Variants in CRACR2A observed in about 807,000 individuals in gnomAD.
CRACR2A encodes the protein EF-hand calcium-binding domain-containing protein 4B.
Under a neutral mutation model 90.5 loss-of-function variants are expected in CRACR2A, and 79 were observed. The ratio of observed to expected loss-of-function variants is 0.87; its 90% CI spans 0.73 to 1.05. The LOEUF (loss-of-function observed/expected upper bound fraction) is 1.05, where lower values mean the gene tolerates loss of function less well. CRACR2A is among the 50% of genes least tolerant of loss of function. CRACR2A has a pLI of 0.00. For synonymous variants in CRACR2A, 338 were observed against 356.7 expected (o/e 0.95, Z 0.59); for missense variants, 823 against 897.2 (o/e 0.92, Z 1.06).
chr12:3,678,956 C>A lies in CRACR2A; in HGVS notation c.483G>T (p.Arg161=). 6.2e-7 allele frequency: 1 copy of A among 1,613,294 alleles called. No homozygotes were observed. Among genetic ancestry groups the A allele is most frequent in the Non-Finnish European group, 8.5e-7 (1 of 1,179,722 alleles). ...DMGEDEEAQF[R]MLMDRLGAQK... ...GGGCTCCAAGTCTGTCCATCAGCATCCGGAACTGGGCTTCCTCATCTTCGC... is the reference window on the plus strand; with the variant it reads ...GGGCTCCAAGTCTGTCCATCAGCATACGGAACTGGGCTTCCTCATCTTCGC... The change falls in exon 6 of 20, where the codon CGG becomes CGT. Residue 161 remains arginine, a synonymous_variant. Transcript: ENST00000440314.
intron 1 of CRACR2A, among the ~76,000 whole-genome samples, chr12:3,739,031 C>G (rs1282518121): frequency 7.5e-6 from 1 of 132,534 alleles, no homozygotes; most frequent in Admixed American, 7.9e-5. Context: ...AAGACATTAT[C>G]TGACAAAAAA....
intron 11 of CRACR2A, 80 bp from the exon 12 acceptor site, chr12:3,644,720 A>G: frequency 1.5e-6 from 2 of 1,308,906 alleles, no homozygotes; most frequent in Admixed American, 4.0e-5. Context: ...TGCTATTCAG[A>G]TGGGTGCAGG....
intron 12 of CRACR2A, among the ~76,000 whole-genome samples, chr12:3,644,116 A>C (rs1944640431): frequency 6.8e-6 from 1 of 147,972 alleles, no homozygotes; most frequent in Admixed American, 7.0e-5. Flanking sequence ...TCAGGTATGG[A>C]AGAGTAGGGG....
At chr12:3,674,424 G>A (rs1183513772) in intron 6 of CRACR2A, among the ~76,000 whole-genome samples, 1 of 152,184 alleles carries the variant, frequency 6.6e-6, no homozygotes, top group African/African-American at 2.4e-5. Context: ...GGAATGAGGA[G>A]GAGACACACA....
intron 6 of CRACR2A, among the ~76,000 whole-genome samples, chr12:3,676,999 T>C (rs1193806708): frequency 6.6e-6 from 1 of 152,122 alleles, no homozygotes; most frequent in African/African-American, 2.4e-5. Flanking sequence ...CTTTCAACTT[T>C]TGATGAAAAA....
intron 10 of CRACR2A, 95 bp from the exon 11 acceptor site, chr12:3,648,708 G>A: frequency 6.7e-7 from 1 of 1,501,910 alleles, no homozygotes; most frequent in South Asian, 1.3e-5. Context: ...TGCCGTGCTG[G>A]GGATGGAGGG....
chr12:3,680,546 G>GCACAACTT (rs1945428850), intron 4 of CRACR2A, among the ~76,000 whole-genome samples, 197 bp from the exon 5 acceptor site: 2 of 152,186 alleles, frequency 1.3e-5, no homozygotes, highest in Admixed American at 6.5e-5. Context: ...CATTGATTGG[G>GCACAACTT]TGCCTACGAA....
chr12:3,658,810 T>C (rs1944966231), intron 8 of CRACR2A, among the ~76,000 whole-genome samples: 1 of 150,838 alleles, frequency 6.6e-6, no homozygotes, highest in African/African-American at 2.4e-5. Flanking sequence ...TACTAGAGAG[T>C]TCTCTGAAGC....
chr12:3,659,124 TGGTGCATTTG>T (rs1456592979), intron 8 of CRACR2A, among the ~76,000 whole-genome samples: 2 of 152,224 alleles, frequency 1.3e-5, no homozygotes, highest in Non-Finnish European at 2.9e-5. Flanking sequence ...TGAACTGGGC[TGGTGCATTTG>T]GGTGCATTTG....
chr12:3,624,295 C>T (rs1328917613), intron 17 of CRACR2A, among the ~76,000 whole-genome samples: 5 of 152,202 alleles, frequency 3.3e-5, no homozygotes, highest in African/African-American at 1.2e-4. Context: ...GCTCCCCCTC[C>T]ACCCTCCCTT....
intron 3 of CRACR2A, among the ~76,000 whole-genome samples, chr12:3,703,175 C>T (rs953079616): frequency 7.9e-5 from 12 of 152,274 alleles, no homozygotes; most frequent in Non-Finnish European, 1.3e-4. Flanking sequence ...CTGCAAGCTC[C>T]ACCTCCCAGG....
chr12:3,638,782 A>G (rs898102026), intron 13 of CRACR2A, among the ~76,000 whole-genome samples: 2 of 152,224 alleles, frequency 1.3e-5, no homozygotes, highest in African/African-American at 2.4e-5. Flanking sequence ...CTAAAGCAAT[A>G]ATGACACAAA....
At chr12:3,749,940 TA>T (rs1946681797) in intron 1 of CRACR2A, among the ~76,000 whole-genome samples, 1 of 151,566 alleles carries the variant, frequency 6.6e-6, no homozygotes, top group South Asian at 2.1e-4. Flanking sequence ...TTTTATTTTT[TA>T]TTTTTATTTT....
intron 18 of CRACR2A, 122 bp from the exon 19 acceptor site, chr12:3,617,152 C>A: frequency 1.4e-6 from 1 of 712,260 alleles, no homozygotes; most frequent in Non-Finnish European, 2.5e-6. Context: ...GCCCCTTGAC[C>A]TTCCTCATAA....
intron 10 of CRACR2A, among the ~76,000 whole-genome samples, chr12:3,650,813 C>T (rs7294806): frequency 0.21 from 32,219 of 152,104 alleles, 3,895 homozygotes; most frequent in East Asian, 0.45. Context: ...CACCAGTGAC[C>T]ACTGGAGCTA....
chr12:3,679,069 T>A lies in CRACR2A; in HGVS notation c.370A>T (p.Ser124Cys), dbSNP rs1157258014. Residue 124 changes from serine to cysteine, a missense_variant, in exon 6 of 20, where the codon AGT becomes TGT. Transcript: ENST00000440314. ...SHFFFSQNNP[S>C]QEDAGEQVAQ... Reference sequence around the variant, plus strand: ...ACCTGTTCACCTGCATCTTCCTGACTTGGGTTATTCTGGCTGAAGAAGAAG... The same window carrying A: ...ACCTGTTCACCTGCATCTTCCTGACATGGGTTATTCTGGCTGAAGAAGAAG... The A allele has an allele frequency of 6.2e-7, 1 of 1,613,190 alleles. No homozygotes were observed. Among genetic ancestry groups the A allele is most frequent in the Non-Finnish European group, 8.5e-7 (1 of 1,179,704 alleles).
chr12:3,629,430 C>T (rs763742934), intron 15 of CRACR2A, among the ~76,000 whole-genome samples: 3 of 152,186 alleles, frequency 2.0e-5, no homozygotes, highest in Non-Finnish European at 4.4e-5. Context: ...GGGGCTGTCC[C>T]GGTCTGTGCT....
intron 6 of CRACR2A, among the ~76,000 whole-genome samples, chr12:3,677,476 A>C (rs766865189): frequency 3.0e-4 from 46 of 151,984 alleles, no homozygotes; most frequent in Non-Finnish European, 5.7e-4. Context: ...CGTCTGGTGG[A>C]CTCTAATTGA....
intron 8 of CRACR2A, among the ~76,000 whole-genome samples, 194 bp downstream of exon 8, chr12:3,659,370 T>C (rs1414135280): frequency 1.3e-5 from 2 of 151,922 alleles, no homozygotes; most frequent in African/African-American, 4.8e-5. Context: ...CAGGAGGAGA[T>C]AGACACTCAA....
Sources: gnomAD v4.1 joint callset for allele counts (sites outside exome capture counted in the v4.1 genomes callset) on GRCh38, gnomAD v4.1.1 for gene constraint, MANE v1.5 for transcripts, NCBI Gene and HGNC (gene_info 2026-07-23, HGNC 2026-07-21) for gene names.